Variants in NAALADL2 observed in about 807,000 individuals in gnomAD.
NAALADL2 encodes N-acetylated alpha-linked acidic dipeptidase like 2.
A neutral mutation model predicts 87.2 loss-of-function variants in NAALADL2; 76 were observed. That is an observed-to-expected ratio of 0.87 (90% CI 0.72 to 1.05). NAALADL2 has a LOEUF of 1.05. Among genes scored for constraint, NAALADL2 ranks in the 50% least tolerant of loss-of-function variants. The probability of loss-of-function intolerance (pLI) is 0.00; values close to 1 mark genes in which losing one functional copy is unlikely to be tolerated. For synonymous variants in NAALADL2, 354 were observed against 331.0 expected (o/e 1.07, Z -0.75); for missense variants, 1,089 against 945.8 (o/e 1.15, Z -1.99).
chr3:175,209,188 T>A (rs1037605231), intron 2 of NAALADL2, among the ~76,000 whole-genome samples: 2 of 152,082 alleles, frequency 1.3e-5, no homozygotes, highest in African/African-American at 2.4e-5. Flanking sequence ...CTTAAAATGG[T>A]AAATATTGGT....
intron 1 of NAALADL2, among the ~76,000 whole-genome samples, chr3:174,470,088 C>CTT (rs10647595): frequency 0.42 from 63,852 of 151,670 alleles, 14,472 homozygotes; most frequent in East Asian, 0.88. Context: ...GTTCTTAACA[C>CTT]TACTATATAT....
In NAALADL2 at chr3:174,699,549, CAATTAT is replaced by C. The variant is rs369573783; in HGVS notation, c.-114-38090_-114-38085del. Among the ~76,000 whole-genome samples the C allele has an allele frequency of 5.9e-3, 887 of 151,422 alleles. 12 individuals are homozygous for C. Among genetic ancestry groups the C allele is most frequent in the African/African-American group, 0.02 (843 of 41,352 alleles). The stretch of plus-strand genomic sequence containing the variant: ...TTTAGCCATACATTTCTAATTTGAC[CAATTAT>C]ATTTTATTACTCAGTTTGATATTTA... On this transcript the variant is annotated intron_variant, in intron 2 of 3. Coordinates refer to the NAALADL2 transcript ENST00000434257.
chr3:175,242,659 TAATATAG>T (rs1216453692), intron 3 of NAALADL2, among the ~76,000 whole-genome samples: 1 of 152,036 alleles, frequency 6.6e-6, no homozygotes, highest in Non-Finnish European at 1.5e-5. Context: ...ATTAACTGAC[TAATATAG>T]AATATAGCCA....
chr3:174,790,870 T>C (rs777643355), intron 3 of NAALADL2, among the ~76,000 whole-genome samples: 3 of 152,124 alleles, frequency 2.0e-5, no homozygotes, highest in Admixed American at 1.3e-4. Context: ...TTTATAGTTA[T>C]TTATATATGT....
rs146408576 is a variant in NAALADL2, at chr3:174,943,686, G to A, written c.43+84236G>A. Among the ~76,000 whole-genome samples the A allele has an allele frequency of 1.1e-3, 174 of 152,342 alleles. 1 individual carries two copies. The highest frequency in any genetic ancestry group is 1.1e-3 in the Non-Finnish European group (77 of 68,040). On this transcript the variant is annotated intron_variant, in intron 1 of 13. Coordinates refer to ENST00000454872, the MANE Select transcript of NAALADL2 (RefSeq NM_207015.3). ...CCAGTGCAATCAACCCAAGATGGAA[G>A]GTCTGTGTTATTGGCCCCAGCCAGG...
chr3:174,481,759 A>G (rs1246599930), intron 1 of NAALADL2, among the ~76,000 whole-genome samples: 1 of 152,140 alleles, frequency 6.6e-6, no homozygotes, highest in East Asian at 1.9e-4. Flanking sequence ...AGAGTCTTCC[A>G]CTAGTGAAGT....
At chr3:175,710,637 A>T (rs1426373812) in intron 11 of NAALADL2, among the ~76,000 whole-genome samples, 2 of 151,512 alleles carry the variant, frequency 1.3e-5, no homozygotes, top group African/African-American at 4.8e-5. Flanking sequence ...GACACTTTAA[A>T]TGCACAATGA....
At chr3:175,590,853 A>G (rs113099456) in intron 10 of NAALADL2, among the ~76,000 whole-genome samples, 24 of 152,306 alleles carry the variant, frequency 1.6e-4, no homozygotes, top group African/African-American at 4.8e-4. Context: ...TTTCAAGGAC[A>G]TAGTTTGAAA....
At chr3:174,707,558 A>G (rs1730213128) in intron 2 of NAALADL2, among the ~76,000 whole-genome samples, 1 of 149,906 alleles carries the variant, frequency 6.7e-6, no homozygotes, top group African/African-American at 2.4e-5. Flanking sequence ...AGAAAACCAA[A>G]CACCGCATGT....
chr3:174,595,640 T>C (rs1717817409), intron 2 of NAALADL2, among the ~76,000 whole-genome samples: 1 of 152,180 alleles, frequency 6.6e-6, no homozygotes, highest in Admixed American at 6.5e-5. Context: ...ATCCCCTTTC[T>C]TTCCACTATA....
At chr3:174,985,901 G>A (rs1456959884) in intron 1 of NAALADL2, among the ~76,000 whole-genome samples, 1 of 151,922 alleles carries the variant, frequency 6.6e-6, no homozygotes, top group African/African-American at 2.4e-5. Context: ...GTGATGAGCT[G>A]AGATCACGCC....
intron 2 of NAALADL2, among the ~76,000 whole-genome samples, chr3:175,169,202 T>G (rs1335921079): frequency 1.3e-5 from 2 of 151,754 alleles, no homozygotes; most frequent in Non-Finnish European, 3.0e-5. Context: ...AATGCTTACT[T>G]CAAACATAAA....
intron 4 of NAALADL2, among the ~76,000 whole-genome samples, chr3:175,271,723 A>T (rs1193508879): frequency 6.6e-6 from 1 of 152,090 alleles, no homozygotes; most frequent in Non-Finnish European, 1.5e-5. Context: ...ACAAGGGGGG[A>T]GGCAGAGGTT....
intron 2 of NAALADL2, among the ~76,000 whole-genome samples, chr3:174,668,863 A>G (rs952181798): frequency 6.6e-6 from 1 of 152,176 alleles, no homozygotes; most frequent in African/African-American, 2.4e-5. Context: ...GCTATTATGA[A>G]TAGTGCCGCA....
At chr3:175,546,049 A>G (rs774752963) in intron 9 of NAALADL2, among the ~76,000 whole-genome samples, 75 of 152,296 alleles carry the variant, frequency 4.9e-4, no homozygotes, top group Non-Finnish European at 9.7e-4. Flanking sequence ...TTAAAGAAAT[A>G]TCAGTGAAGA....
At chr3:175,628,276 A>G (rs1481853607) in intron 11 of NAALADL2, among the ~76,000 whole-genome samples, 1 of 151,696 alleles carries the variant, frequency 6.6e-6, no homozygotes, top group Non-Finnish European at 1.5e-5. Context: ...GGCTAATGTA[A>G]GTGTCTGAGC....
chr3:174,989,200 C>T (rs1470720611), intron 1 of NAALADL2, among the ~76,000 whole-genome samples: 1 of 152,138 alleles, frequency 6.6e-6, no homozygotes, highest in Non-Finnish European at 1.5e-5. Context: ...TACCTCCCAT[C>T]GGGCCCCACC....
chr3:175,784,454 T>G (rs1319399649), intron 13 of NAALADL2, among the ~76,000 whole-genome samples: 5 of 141,952 alleles, frequency 3.5e-5, no homozygotes, highest in Admixed American at 1.4e-4. Flanking sequence ...GTCGAGGAAT[T>G]TATCCATTTC....
chr3:175,330,845 C>A (rs542406844), intron 5 of NAALADL2, among the ~76,000 whole-genome samples: 42 of 151,762 alleles, frequency 2.8e-4, no homozygotes, highest in African/African-American at 1.0e-3. Flanking sequence ...TGAAAAAATA[C>A]AAAACAGCAA....
Sources: allele counts gnomAD v4.1 joint callset (sites outside exome capture counted in the v4.1 genomes callset), GRCh38; gene constraint gnomAD v4.1.1; transcripts MANE v1.5; gene names NCBI Gene and HGNC (gene_info 2026-07-23, HGNC 2026-07-21).